SYTL5: variants seen among roughly 807,000 people sequenced by gnomAD.
SYTL5 encodes synaptotagmin-like protein 5.
A neutral mutation model predicts 55.9 loss-of-function variants in SYTL5; 34 were observed. That is an observed-to-expected ratio of 0.61 (90% confidence interval 0.46 to 0.81). SYTL5 has a LOEUF of 0.81. SYTL5 is among the 30% of genes least tolerant of loss of function. SYTL5 has a pLI of 0.00. For synonymous variants in SYTL5, 221 were observed against 188.7 expected (o/e 1.17, Z -1.40); for missense variants, 637 against 546.7 (o/e 1.17, Z -1.65).
At chrX:38,089,706 G>A in intron 7 of SYTL5, 119 bp downstream of exon 7, 1 of 782,204 alleles carries the variant, frequency 1.3e-6, no homozygotes, top group Non-Finnish European at 1.8e-6. Flanking sequence ...GTTCTGCATG[G>A]CTGCAGAGAC....
intron 9 of SYTL5, among the ~76,000 whole-genome samples, chrX:38,098,493 A>C (rs1307519026): frequency 9.0e-6 from 1 of 110,962 alleles, no homozygotes; most frequent in Non-Finnish European, 1.9e-5. Flanking sequence ...AATCACAATG[A>C]GATACCACTT....
the SYTL5 span, among the ~76,000 whole-genome samples, chrX:38,000,779 C>A: frequency 1.8e-5 from 2 of 111,719 alleles, no homozygotes; most frequent in Admixed American, 1.9e-4. Flanking sequence ...CAGCAGATAG[C>A]GAAGCCAGAA....
chrX:38,015,528 G>A (rs959428688), intron 1 of SYTL5, among the ~76,000 whole-genome samples: 2 of 111,306 alleles, frequency 1.8e-5, no homozygotes, highest in African/African-American at 6.5e-5. Flanking sequence ...AGAGCTTCCT[G>A]ACTCCAAAAC....
At chrX:37,967,118 C>T in the SYTL5 span, among the ~76,000 whole-genome samples, 122 of 111,644 alleles carry the variant, frequency 1.1e-3, no homozygotes, top group Middle Eastern at 0.014. Context: ...GTGGTGCGAA[C>T]TCGGCTTACG....
intron 11 of SYTL5, among the ~76,000 whole-genome samples, chrX:38,107,833 C>A (rs1405199426): frequency 8.9e-6 from 1 of 111,813 alleles, no homozygotes; most frequent in Admixed American, 9.5e-5. Flanking sequence ...GGCTACAGGA[C>A]CAATGTAATT....
the SYTL5 span, among the ~76,000 whole-genome samples, chrX:37,969,125 T>C: frequency 9.0e-6 from 1 of 111,426 alleles, no homozygotes; most frequent in Non-Finnish European, 1.9e-5. Flanking sequence ...TTTAAATAGA[T>C]CTTTAAGCAA....
the SYTL5 span, among the ~76,000 whole-genome samples, chrX:37,893,742 A>G: frequency 3.6e-5 from 3 of 83,865 alleles, no homozygotes; most frequent in South Asian, 1.1e-3. Flanking sequence ...TCTATAGATA[A>G]ACTATAGATT....
intron 6 of SYTL5, among the ~76,000 whole-genome samples, chrX:38,087,206 T>G (rs2208112): frequency 0.3 from 33,610 of 110,318 alleles, 4,395 homozygotes; most frequent in African/African-American, 0.47. Flanking sequence ...TTTTAAAGGA[T>G]ATTTTACCTG....
chrX:38,121,630 G>C (rs1937572025), intron 14 of SYTL5, among the ~76,000 whole-genome samples: 1 of 112,531 alleles, frequency 8.9e-6, no homozygotes, highest in Non-Finnish European at 1.9e-5. Flanking sequence ...GTAGCCTCTA[G>C]AGCTGGCTCT....
the SYTL5 span, among the ~76,000 whole-genome samples, chrX:37,919,664 G>C: frequency 5.4e-5 from 6 of 112,071 alleles, no homozygotes; most frequent in South Asian, 2.2e-3. Flanking sequence ...AAACGAAAAG[G>C]CTTTGGATAT....
chrX:37,950,348 G>T, the SYTL5 span, among the ~76,000 whole-genome samples: 3,065 of 111,326 alleles, frequency 0.028, 91 homozygotes, highest in African/African-American at 0.092. Flanking sequence ...TTGCTCTATT[G>T]TGCATATATA....
chrX:38,042,573 C>T (rs896656814), intron 2 of SYTL5, among the ~76,000 whole-genome samples: 2 of 111,572 alleles, frequency 1.8e-5, no homozygotes, highest in Non-Finnish European at 3.8e-5. Context: ...ATTTTACTAC[C>T]CTTTCCCTTC....
rs146055048 is a variant in SYTL5 at position 38,032,279 on chromosome X, T to G, written c.-356-1255T>G. 9.5e-3 allele frequency among the ~76,000 whole-genome samples: 1,062 copies of G among 111,695 alleles called. 7 individuals are homozygous for G. The highest frequency in any genetic ancestry group is 0.041 in the Middle Eastern group (9 of 218). On this transcript the variant is annotated intron_variant, in intron 1 of 16. Coordinates refer to ENST00000297875, the MANE Select transcript of SYTL5 (RefSeq NM_138780.3). ...ATGGGATGATGCCCAATCACAAAAA[T>G]CAGGTAGATTACCCAAGAAGTCATC...
chrX:38,122,776 C>T (rs778762386), intron 15 of SYTL5, among the ~76,000 whole-genome samples: 2 of 112,254 alleles, frequency 1.8e-5, no homozygotes, highest in East Asian at 5.6e-4. Context: ...ATACTTTTGC[C>T]TAACTCTAGG....
chrX:38,079,253 G>A (rs749527234), intron 6 of SYTL5, among the ~76,000 whole-genome samples: 55 of 111,413 alleles, frequency 4.9e-4, no homozygotes, highest in Non-Finnish European at 6.2e-4. Context: ...TATTTTCATG[G>A]AGCAGCTGGG....
intron 2 of SYTL5, among the ~76,000 whole-genome samples, chrX:38,047,044 C>T (rs1431601806): frequency 8.9e-6 from 1 of 112,202 alleles, no homozygotes; most frequent in African/African-American, 3.2e-5. Flanking sequence ...AGGGTACAGC[C>T]TCCCTCCTGG....
At chrX:38,056,275 G>A (rs555419504) in intron 3 of SYTL5, among the ~76,000 whole-genome samples, 6 of 111,833 alleles carry the variant, frequency 5.4e-5, no homozygotes, top group African/African-American at 1.9e-4. Flanking sequence ...TTTCATCCAC[G>A]TTGTTGCAAA....
intron 2 of SYTL5, among the ~76,000 whole-genome samples, chrX:38,036,032 G>A (rs372895007): frequency 9.8e-5 from 11 of 111,840 alleles, no homozygotes; most frequent in East Asian, 5.6e-4. Context: ...TTGGCTGGGC[G>A]CAGTGGCTCA....
the SYTL5 span, among the ~76,000 whole-genome samples, chrX:37,893,518 C>A: frequency 1.2e-4 from 10 of 86,548 alleles, no homozygotes; most frequent in Non-Finnish European, 1.7e-4. Flanking sequence ...TATATATAAT[C>A]TATAATCTAT....
Sources: allele counts gnomAD v4.1 joint callset (sites outside exome capture counted in the v4.1 genomes callset), GRCh38; gene constraint gnomAD v4.1.1; transcripts MANE v1.5; gene names NCBI Gene and HGNC (gene_info 2026-07-23, HGNC 2026-07-21).